The following GPR89B variants were observed in gnomAD, a reference collection of about 807,000 sequenced individuals.
GPR89B encodes the protein golgi pH regulator B, also known as G protein-coupled receptor 89B.
In GPR89B, 25 loss-of-function variants were observed where a neutral mutation model predicts 52.4. The observed-to-expected ratio is 0.48, with a 90% CI of 0.35 to 0.67. The LOEUF (loss-of-function observed/expected upper bound fraction) is 0.67. Ranked by LOEUF, GPR89B falls within the 30% of genes least tolerant of loss-of-function variation. The pLI is 0.01. For missense variants in GPR89B, 146 were observed against 450.2 expected, an observed-to-expected ratio of 0.32 and a Z score of 6.11; for synonymous variants, 52 against 151.2, an observed-to-expected ratio of 0.34 and a Z score of 4.81.
At chr1:147,928,656 G>A (rs1461933860) in intron 1 of GPR89B, 78 bp downstream of exon 1, 2 of 1,588,996 alleles carry the variant, frequency 1.3e-6, no homozygotes, top group Admixed American at 1.7e-5. Flanking sequence ...CGCGGTGCGG[G>A]CTGGTCCGGG....
At chr1:148,021,869 C>T in the GPR89B span, 5 of 147,012 alleles carry the variant, frequency 3.4e-5, no homozygotes, top group Non-Finnish European at 6.0e-5. Context: ...GAAAGCCCCG[C>T]GATCATCCGG....
chr1:148,002,911 T>C, the GPR89B span, among the ~76,000 whole-genome samples: 3 of 152,184 alleles, frequency 2.0e-5, no homozygotes, highest in Non-Finnish European at 4.4e-5. Context: ...TGAACTCAAG[T>C]GCCACCCCTA....
At chr1:148,006,885 T>C in the GPR89B span, among the ~76,000 whole-genome samples, 2 of 150,844 alleles carry the variant, frequency 1.3e-5, no homozygotes, top group Non-Finnish European at 3.0e-5. Context: ...CCTGGCTAAT[T>C]TTTGTATTTT....
chr1:147,956,434 C>T lies in GPR89B; in HGVS notation c.617+2032C>T, dbSNP rs1352740797. On this transcript the variant is annotated intron_variant, in intron 7 of 13. Coordinates refer to ENST00000314163, the MANE Select transcript of GPR89B (RefSeq NM_016334.5). ...TTTTTTCTATTTCTATGAAAAATGACGTTGGAATTTTGATAGGGATTACAT... is the reference window on the plus strand; with the variant it reads ...TTTTTTCTATTTCTATGAAAAATGATGTTGGAATTTTGATAGGGATTACAT... Among the ~76,000 whole-genome samples the T allele has an allele frequency of 5.9e-5, 9 of 152,262 alleles. No individual in the cohort carries two copies. The South Asian group carries it at 8.3e-4, about 14-fold the overall frequency.
intron 12 of GPR89B, among the ~76,000 whole-genome samples, chr1:147,990,724 G>A (rs1659004267): frequency 2.0e-5 from 3 of 151,840 alleles, no homozygotes; most frequent in Admixed American, 6.6e-5. Flanking sequence ...CCCATTTCTT[G>A]TTTTTGTCAG....
At chr1:147,937,851 A>G (rs1354068364) in intron 2 of GPR89B, among the ~76,000 whole-genome samples, 7 of 152,200 alleles carry the variant, frequency 4.6e-5, no homozygotes, top group Non-Finnish European at 1.0e-4. Context: ...GGTGACATAC[A>G]TCCTCAGTTT....
downstream of GPR89B, among the ~76,000 whole-genome samples, chr1:147,993,699 T>A (rs1259502208): frequency 6.6e-6 from 1 of 150,968 alleles, no homozygotes; most frequent in Admixed American, 6.6e-5. Context: ...GTTGAAAAAT[T>A]TTTAGAACAC....
At chr1:147,931,687 A>G (rs1553247026) in intron 1 of GPR89B, among the ~76,000 whole-genome samples, 1 of 151,606 alleles carries the variant, frequency 6.6e-6, no homozygotes, top group African/African-American at 2.4e-5. Context: ...TCACCCAGGT[A>G]CTGAGCGTAG....
intron 10 of GPR89B, among the ~76,000 whole-genome samples, chr1:147,983,390 A>G (rs1366445006): frequency 3.9e-5 from 6 of 152,182 alleles, no homozygotes; most frequent in African/African-American, 9.6e-5. Flanking sequence ...TGAACAGGCA[A>G]CCTACAGAAT....
At chr1:147,984,771 G>T (rs1658543822) in intron 10 of GPR89B, among the ~76,000 whole-genome samples, 2 of 149,690 alleles carry the variant, frequency 1.3e-5, no homozygotes, top group South Asian at 2.1e-4. Flanking sequence ...TGATTCATGG[G>T]TGATTTAGAA....
chr1:148,014,402 C>T, the GPR89B span: 1 of 151,380 alleles, frequency 6.6e-6, no homozygotes, highest in Non-Finnish European at 1.5e-5. Context: ...CGGCGGTGAG[C>T]CAAGGCATGT....
At chr1:147,954,702 T>G (rs1655987881) in intron 7 of GPR89B, among the ~76,000 whole-genome samples, 1 of 152,296 alleles carries the variant, frequency 6.6e-6, no homozygotes. Flanking sequence ...TAAAAAGATT[T>G]AGTGTTTTGT....
At chr1:147,977,877 A>G (rs1657956452) in intron 10 of GPR89B, among the ~76,000 whole-genome samples, 1 of 151,254 alleles carries the variant, frequency 6.6e-6, no homozygotes, top group South Asian at 2.1e-4. Flanking sequence ...TCTGGTTAAC[A>G]GCTCCTATAA....
At chr1:147,981,155 A>AT (rs1658218663) in intron 10 of GPR89B, among the ~76,000 whole-genome samples, 1 of 148,804 alleles carries the variant, frequency 6.7e-6, no homozygotes, top group Admixed American at 6.7e-5. Flanking sequence ...AGGTACATCC[A>AT]TGTCATAGTA....
chr1:147,981,027 G>A (rs1658206941), intron 10 of GPR89B, among the ~76,000 whole-genome samples: 1 of 151,330 alleles, frequency 6.6e-6, no homozygotes, highest in African/African-American at 2.4e-5. Flanking sequence ...AGCATAATGG[G>A]GTTGGGGGGG....
At chr1:147,997,131 C>T (rs2149100370), downstream of GPR89B, among the ~76,000 whole-genome samples, 1 of 152,282 alleles carries the variant, frequency 6.6e-6, no homozygotes, top group South Asian at 2.1e-4. Context: ...CTAGCCGGTA[C>T]CTCATGCAGA....
At chr1:147,941,454 T>G (rs1654550426) in intron 3 of GPR89B, among the ~76,000 whole-genome samples, 1 of 152,018 alleles carries the variant, frequency 6.6e-6, no homozygotes, top group Non-Finnish European at 1.5e-5. Flanking sequence ...GTATCTAGTC[T>G]AAATGGTATT....
the GPR89B span, among the ~76,000 whole-genome samples, chr1:148,019,106 A>G: frequency 6.6e-6 from 1 of 151,384 alleles, no homozygotes; most frequent in African/African-American, 2.4e-5. Flanking sequence ...CCTCCCGAGT[A>G]GCTGGGACTA....
the GPR89B span, chr1:148,005,544 C>G: frequency 6.6e-7 from 1 of 1,509,534 alleles, no homozygotes; most frequent in East Asian, 2.3e-5. Flanking sequence ...CATGTGGAGA[C>G]ACAAGTGACT....
Sources: allele counts gnomAD v4.1 joint callset (sites outside exome capture counted in the v4.1 genomes callset), GRCh38; gene constraint gnomAD v4.1.1; transcripts MANE v1.5; gene names NCBI Gene and HGNC (gene_info 2026-07-23, HGNC 2026-07-21).